The following TMEM11 variants were observed in gnomAD, a reference collection of about 807,000 sequenced individuals.
The protein encoded by TMEM11 is transmembrane protein 11, mitochondrial.
TMEM11 carries 1 observed loss-of-function variant against 17.0 expected under a neutral mutation model. That is an observed-to-expected ratio of 0.06 (90% CI 0.02 to 0.28). TMEM11 has a LOEUF of 0.28. Ranked by LOEUF, TMEM11 falls within the 10% of genes least tolerant of loss-of-function variation. The probability of loss-of-function intolerance (pLI) is 1.00; values close to 1 mark genes in which losing one functional copy is unlikely to be tolerated. For synonymous variants in TMEM11, 122 were observed against 118.1 expected, an observed-to-expected ratio of 1.03 and a Z score of -0.21; for missense variants, 172 against 252.9, an observed-to-expected ratio of 0.68 and a Z score of 2.17.
intron 1 of TMEM11, among the ~76,000 whole-genome samples, chr17:21,204,978 A>C (rs1426292005): frequency 6.6e-6 from 1 of 152,124 alleles, no homozygotes; most frequent in Non-Finnish European, 1.5e-5. Flanking sequence ...TAAAGTGGGC[A>C]TCTTGAACTT....
At chr17:21,213,928 C>T (rs1189770264) in intron 1 of TMEM11, 163 bp downstream of exon 1, 1 of 693,030 alleles carries the variant, frequency 1.4e-6, no homozygotes, top group African/African-American at 1.9e-5. Flanking sequence ...TCGCTCCCAC[C>T]CGGATCCCGG....
chr17:21,208,236 C>T (rs1974965824), intron 1 of TMEM11, among the ~76,000 whole-genome samples: 1 of 152,112 alleles, frequency 6.6e-6, no homozygotes, highest in Non-Finnish European at 1.5e-5. Context: ...TCGTGATCCG[C>T]CCACCTCGGC....
intron 1 of TMEM11, among the ~76,000 whole-genome samples, chr17:21,203,697 A>T (rs1974908608): frequency 6.8e-6 from 1 of 147,996 alleles, no homozygotes; most frequent in African/African-American, 2.6e-5. Context: ...ACAGAAAGAA[A>T]AAAAAGAAAA....
chr17:21,207,371 A>G (rs1046472618), intron 1 of TMEM11, among the ~76,000 whole-genome samples: 2 of 151,732 alleles, frequency 1.3e-5, no homozygotes, highest in Non-Finnish European at 2.9e-5. Flanking sequence ...CCCTACTAAA[A>G]ATACAAAAAT....
chr17:21,212,155 C>T (rs909500836), intron 1 of TMEM11, among the ~76,000 whole-genome samples: 9 of 152,172 alleles, frequency 5.9e-5, no homozygotes, highest in African/African-American at 2.2e-4. Flanking sequence ...ACAGCAAGAG[C>T]AAACAGACAG....
intron 1 of TMEM11, among the ~76,000 whole-genome samples, chr17:21,205,643 C>G (rs1175537610): frequency 6.6e-6 from 1 of 152,054 alleles, no homozygotes; most frequent in Non-Finnish European, 1.5e-5. Flanking sequence ...TCACCACCAT[C>G]CACCTCCAGG....
chr17:21,201,275 C>A (rs754140782), intron 1 of TMEM11, among the ~76,000 whole-genome samples: 6 of 152,202 alleles, frequency 3.9e-5, no homozygotes, highest in African/African-American at 1.4e-4. Context: ...CTTGGGCAAA[C>A]GGAACTCTTT....
chr17:21,212,944 T>G (rs373181492), intron 1 of TMEM11, among the ~76,000 whole-genome samples: 1 of 152,194 alleles, frequency 6.6e-6, no homozygotes, highest in African/African-American at 2.4e-5. Context: ...AAATGCAGAA[T>G]GGGCAACGCT....
intron 1 of TMEM11, among the ~76,000 whole-genome samples, chr17:21,204,060 T>G (rs921502239): frequency 6.8e-6 from 1 of 147,800 alleles, no homozygotes; most frequent in African/African-American, 2.5e-5. Flanking sequence ...AGGGACTGTA[T>G]TTTTGCTTTT....
At chr17:21,201,290 T>C (rs538643903) in intron 1 of TMEM11, among the ~76,000 whole-genome samples, 142 of 152,344 alleles carry the variant, frequency 9.3e-4, no homozygotes, top group African/African-American at 3.1e-3. Context: ...CTCTTTATCC[T>C]GAAAAAGTCA....
intron 1 of TMEM11, among the ~76,000 whole-genome samples, chr17:21,199,391 C>T (rs1974858133): frequency 6.8e-6 from 1 of 146,934 alleles, no homozygotes; most frequent in Admixed American, 6.8e-5. Flanking sequence ...TTTAACATGA[C>T]AAACACAGGC....
Position 21,207,554 on chromosome 17 carries a change from G to A in TMEM11, c.62+6537C>T, listed in dbSNP as rs528892956. Among the ~76,000 whole-genome samples the A allele has an allele frequency of 1.3e-4, 19 of 150,424 alleles. No homozygotes were observed. The East Asian group carries it at 3.8e-3, about 30-fold the overall frequency. On this transcript the variant is annotated intron_variant, in intron 1 of 1. Transcript: ENST00000317635. ...ATAATATAATTTTAAAAACCCCTAAGGCAAGATATATAAGACAAAGTATCA... is the reference window on the plus strand; with the variant it reads ...ATAATATAATTTTAAAAACCCCTAAAGCAAGATATATAAGACAAAGTATCA...
chr17:21,204,039 T>C (rs1039928146), intron 1 of TMEM11, among the ~76,000 whole-genome samples: 3 of 141,014 alleles, frequency 2.1e-5, no homozygotes, highest in African/African-American at 7.8e-5. Context: ...TTTTGAGCCC[T>C]GGGCTTCCTA....
intron 1 of TMEM11, chr17:21,213,265 T>G (rs955145472): frequency 1.3e-5 from 2 of 152,234 alleles, no homozygotes; most frequent in African/African-American, 4.8e-5. Flanking sequence ...CCAATACATC[T>G]TCTCCCAAAT....
At chr17:21,204,435 T>TA (rs71160127) in intron 1 of TMEM11, among the ~76,000 whole-genome samples, 3,120 of 96,798 alleles carry the variant, frequency 0.032, 118 homozygotes, top group African/African-American at 0.095. Flanking sequence ...TCCGTCTCAA[T>TA]AAAAAAAAAA....
At chr17:21,207,722 T>C (rs1974957765) in intron 1 of TMEM11, among the ~76,000 whole-genome samples, 1 of 151,346 alleles carries the variant, frequency 6.6e-6, no homozygotes, top group Non-Finnish European at 1.5e-5. Context: ...ACCCCGTCTC[T>C]ACTAAAAATA....
chr17:21,205,200 A>C (rs2144300485), intron 1 of TMEM11, among the ~76,000 whole-genome samples: 1 of 152,160 alleles, frequency 6.6e-6, no homozygotes, highest in East Asian at 1.9e-4. Flanking sequence ...CACAGTCTGG[A>C]GGCGTCTCCC....
chr17:21,200,776 G>A (rs1974874747), intron 1 of TMEM11, among the ~76,000 whole-genome samples: 1 of 152,216 alleles, frequency 6.6e-6, no homozygotes, highest in Non-Finnish European at 1.5e-5. Flanking sequence ...GCACAGACGC[G>A]AAGGTCCCGT....
chr17:21,209,505 G>A (rs976935340), intron 1 of TMEM11, among the ~76,000 whole-genome samples: 66 of 152,272 alleles, frequency 4.3e-4, no homozygotes, highest in Admixed American at 4.1e-3. Flanking sequence ...AGTGGCTCAC[G>A]CCTGTAATCC....
Sources: allele counts gnomAD v4.1 joint callset (sites outside exome capture counted in the v4.1 genomes callset), GRCh38; gene constraint gnomAD v4.1.1; transcripts MANE v1.5; gene names NCBI Gene and HGNC (gene_info 2026-07-23, HGNC 2026-07-21).